Variants in GNG12 observed in about 807,000 individuals in gnomAD.
GNG12 encodes the protein G protein subunit gamma 12.
For missense variants in GNG12, 69 were observed against 83.8 expected (o/e 0.82, Z 0.69); for synonymous variants, 28 against 29.7 (o/e 0.94, Z 0.19).
chr1:67,715,796 T>C (rs1473298246), intron 2 of GNG12, among the ~76,000 whole-genome samples: 2 of 152,258 alleles, frequency 1.3e-5, no homozygotes, highest in African/African-American at 4.8e-5. Flanking sequence ...TTGCTGTGAC[T>C]GAACCTTGGC....
At chr1:67,757,766 T>A (rs1005390521) in intron 2 of GNG12, among the ~76,000 whole-genome samples, 10 of 152,060 alleles carry the variant, frequency 6.6e-5, no homozygotes, top group Admixed American at 1.3e-4. Context: ...GGGAGAAAAA[T>A]TCAGAAGGAA....
At chr1:67,732,853 G>A (rs1300660644) in intron 2 of GNG12, among the ~76,000 whole-genome samples, 2 of 152,238 alleles carry the variant, frequency 1.3e-5, no homozygotes, top group Non-Finnish European at 2.9e-5. Context: ...ACCAGTGATA[G>A]CTACTGCCCT....
chr1:67,822,701 TTG>T, intron 1 of GNG12, among the ~76,000 whole-genome samples: 1 of 151,888 alleles, frequency 6.6e-6, no homozygotes, highest in East Asian at 1.9e-4. Context: ...GAGTTTTTTG[TTG>T]TGAGTTTAAA....
chr1:67,721,342 C>A (rs557850615), intron 2 of GNG12, among the ~76,000 whole-genome samples: 1 of 152,148 alleles, frequency 6.6e-6, no homozygotes. Flanking sequence ...GTTCTAAACG[C>A]GTGGTCACAC....
At chr1:67,714,581 T>C (rs1446195699) in intron 2 of GNG12, among the ~76,000 whole-genome samples, 4 of 152,206 alleles carry the variant, frequency 2.6e-5, no homozygotes, top group Non-Finnish European at 4.4e-5. Flanking sequence ...CTGTGTGAAG[T>C]ACACCCAGCA....
At chr1:67,783,403 T>C (rs1156993147) in intron 1 of GNG12, among the ~76,000 whole-genome samples, 1 of 152,166 alleles carries the variant, frequency 6.6e-6, no homozygotes, top group Admixed American at 6.6e-5. Context: ...AGGGTTTTTA[T>C]TAGCATACAA....
chr1:67,761,430 T>C (rs1001043949), intron 2 of GNG12, among the ~76,000 whole-genome samples: 3 of 152,202 alleles, frequency 2.0e-5, no homozygotes, highest in Non-Finnish European at 4.4e-5. Flanking sequence ...TCTGATTTTG[T>C]TGAATGGTGG....
chr1:67,818,843 G>A (rs570242936), intron 1 of GNG12, among the ~76,000 whole-genome samples: 8 of 152,218 alleles, frequency 5.3e-5, no homozygotes, highest in East Asian at 1.9e-4. Flanking sequence ...TATCACACCC[G>A]TTTCAGAGAT....
At chr1:67,787,557 T>C (rs1357255577) in intron 1 of GNG12, among the ~76,000 whole-genome samples, 1 of 152,086 alleles carries the variant, frequency 6.6e-6, no homozygotes, top group Non-Finnish European at 1.5e-5. Flanking sequence ...CATCTTCACA[T>C]CAGAAAGAGC....
intron 2 of GNG12, among the ~76,000 whole-genome samples, chr1:67,762,934 A>C (rs1040345924): frequency 6.6e-6 from 1 of 152,176 alleles, no homozygotes; most frequent in African/African-American, 2.4e-5. Context: ...CCGTTCTAGC[A>C]AAAGCATTTC....
chr1:67,809,429 TAAGC>T (rs1646910883), intron 1 of GNG12, among the ~76,000 whole-genome samples: 1 of 152,126 alleles, frequency 6.6e-6, no homozygotes, highest in Admixed American at 6.5e-5. Flanking sequence ...AAAGAGAGAA[TAAGC>T]TACACTTCAT....
chr1:67,713,677 C>T (rs1271680373), intron 2 of GNG12, among the ~76,000 whole-genome samples: 3 of 152,168 alleles, frequency 2.0e-5, no homozygotes, highest in Non-Finnish European at 2.9e-5. Flanking sequence ...AAAAAAGCCA[C>T]TGGCTCCCAC....
At chr1:67,725,346 C>A (rs186273792) in intron 2 of GNG12, among the ~76,000 whole-genome samples, 1 of 152,224 alleles carries the variant, frequency 6.6e-6, no homozygotes, top group Non-Finnish European at 1.5e-5. Flanking sequence ...CATGCCCTCA[C>A]CACCTTTTAA....
intron 1 of GNG12, among the ~76,000 whole-genome samples, chr1:67,795,988 A>T (rs776594438): frequency 6.6e-6 from 1 of 152,246 alleles, no homozygotes; most frequent in African/African-American, 2.4e-5. Flanking sequence ...TCAGAATTTA[A>T]TAATTGAAAA....
At chr1:67,751,622 C>T (rs1055798888) in intron 2 of GNG12, among the ~76,000 whole-genome samples, 3 of 152,154 alleles carry the variant, frequency 2.0e-5, no homozygotes, top group African/African-American at 7.2e-5. Flanking sequence ...TGTCGACTGG[C>T]GTACTGCTTC....
intron 2 of GNG12, among the ~76,000 whole-genome samples, chr1:67,747,458 T>A (rs1646514130): frequency 6.6e-6 from 1 of 152,194 alleles, no homozygotes; most frequent in Non-Finnish European, 1.5e-5. Flanking sequence ...CCCAAGACTG[T>A]ATCATCTTTG....
intron 1 of GNG12, among the ~76,000 whole-genome samples, chr1:67,810,415 A>T (rs1448463922): frequency 6.6e-6 from 1 of 152,210 alleles, no homozygotes; most frequent in Non-Finnish European, 1.5e-5. Context: ...ACCTTGGCTG[A>T]TAATGATGTG....
intron 2 of GNG12, among the ~76,000 whole-genome samples, chr1:67,729,005 ACT>A (rs1646403545): frequency 6.6e-6 from 1 of 151,888 alleles, no homozygotes; most frequent in East Asian, 1.9e-4. Context: ...ATGCTGAAGA[ACT>A]CTTTGAACAA....
At chr1:67,724,904 C>T (rs1274277426) in intron 2 of GNG12, among the ~76,000 whole-genome samples, 2 of 152,106 alleles carry the variant, frequency 1.3e-5, no homozygotes, top group African/African-American at 2.4e-5. Context: ...AGTCTATAGT[C>T]CTAAACATGT....
Sources: gnomAD v4.1 joint callset for allele counts (sites outside exome capture counted in the v4.1 genomes callset) on GRCh38, gnomAD v4.1.1 for gene constraint, MANE v1.5 for transcripts, NCBI Gene and HGNC (gene_info 2026-07-23, HGNC 2026-07-21) for gene names.